The following KCNT2 variants were observed in gnomAD, a reference collection of about 807,000 sequenced individuals.
KCNT2 encodes the protein potassium channel subfamily T member 2.
A neutral mutation model predicts 153.8 loss-of-function variants in KCNT2; 67 were observed. The ratio of observed to expected loss-of-function variants is 0.44; its 90% CI spans 0.36 to 0.53. The LOEUF (loss-of-function observed/expected upper bound fraction) is 0.53. Among genes scored for constraint, KCNT2 ranks in the 20% least tolerant of loss-of-function variants. The pLI is 0.00. For synonymous variants in KCNT2, 500 were observed against 458.8 expected (o/e 1.09, Z -1.15); for missense variants, 975 against 1,354.8 (o/e 0.72, Z 4.40).
intron 5 of KCNT2, among the ~76,000 whole-genome samples, chr1:196,471,336 A>G (rs1278508182): frequency 3.3e-5 from 5 of 152,220 alleles, no homozygotes; most frequent in Non-Finnish European, 2.9e-5. Flanking sequence ...GAAGAAGTGT[A>G]GAAAGAGTGG....
At chr1:196,351,276 T>A (rs1572135835) in intron 14 of KCNT2, among the ~76,000 whole-genome samples, 1 of 152,180 alleles carries the variant, frequency 6.6e-6, no homozygotes, top group African/African-American at 2.4e-5. Flanking sequence ...TGGCATTGAA[T>A]CTATAAATTA....
chr1:196,271,561 G>C (rs970096214), intron 25 of KCNT2, among the ~76,000 whole-genome samples: 1 of 152,010 alleles, frequency 6.6e-6, no homozygotes, highest in Admixed American at 6.6e-5. Context: ...AATAATGAAA[G>C]TAAGAAATGC....
intron 1 of KCNT2, among the ~76,000 whole-genome samples, chr1:196,551,049 A>T (rs944141610): frequency 2.6e-5 from 4 of 151,788 alleles, no homozygotes; most frequent in African/African-American, 7.3e-5. Context: ...GCCTCTAGGG[A>T]AGTCAATGAA....
intron 25 of KCNT2, 46 bp downstream of exon 25, chr1:196,280,814 T>C: frequency 1.3e-6 from 2 of 1,535,432 alleles, no homozygotes; most frequent in Middle Eastern, 1.7e-4. Context: ...ATGATTGCAC[T>C]CATCAGATTA....
intron 22 of KCNT2, among the ~76,000 whole-genome samples, chr1:196,303,784 A>T (rs1209530231): frequency 6.6e-6 from 1 of 152,126 alleles, no homozygotes; most frequent in African/African-American, 2.4e-5. Context: ...AATTGGACCA[A>T]TCTGACTACA....
chr1:196,357,123 C>T (rs912710598), intron 14 of KCNT2, among the ~76,000 whole-genome samples: 8 of 151,772 alleles, frequency 5.3e-5, no homozygotes, highest in African/African-American at 1.9e-4. Context: ...TCTTGAACAT[C>T]GTTGAAGTTG....
At chr1:196,386,792 A>G (rs1380313601) in intron 13 of KCNT2, among the ~76,000 whole-genome samples, 1 of 152,114 alleles carries the variant, frequency 6.6e-6, no homozygotes, top group East Asian at 1.9e-4. Context: ...TTTAGTCCTT[A>G]TGATTGATTA....
At chr1:196,474,407 C>T (rs935604601) in intron 5 of KCNT2, among the ~76,000 whole-genome samples, 1 of 152,140 alleles carries the variant, frequency 6.6e-6, no homozygotes, top group Non-Finnish European at 1.5e-5. Flanking sequence ...TGTCGTAACG[C>T]TATGGCAGTC....
At chr1:196,274,533 ATAATCT>A (rs930268164) in intron 25 of KCNT2, among the ~76,000 whole-genome samples, 2 of 151,732 alleles carry the variant, frequency 1.3e-5, no homozygotes, top group African/African-American at 4.8e-5. Flanking sequence ...CCTTATTAAA[ATAATCT>A]TAATGAGATT....
chr1:196,372,326 C>T (rs1336490342), intron 14 of KCNT2, among the ~76,000 whole-genome samples: 1 of 151,898 alleles, frequency 6.6e-6, no homozygotes, highest in Non-Finnish European at 1.5e-5. Flanking sequence ...TTTGACACTT[C>T]ACCTAAACAA....
chr1:196,379,649 C>T (rs7527415), intron 13 of KCNT2, among the ~76,000 whole-genome samples: 78,103 of 150,522 alleles, frequency 0.52, 21,903 homozygotes, highest in African/African-American at 0.76. Context: ...GATATATGTA[C>T]ATGCATCTTA....
chr1:196,405,467 G>C (rs1375714898), intron 12 of KCNT2, among the ~76,000 whole-genome samples: 1 of 151,168 alleles, frequency 6.6e-6, no homozygotes, highest in Non-Finnish European at 1.5e-5. Flanking sequence ...CTATCTAAAA[G>C]GTATTTGTTG....
At chr1:196,316,740 C>CA (rs879365959) in intron 20 of KCNT2, among the ~76,000 whole-genome samples, 2,115 of 141,594 alleles carry the variant, frequency 0.015, 49 homozygotes, top group African/African-American at 0.05. Flanking sequence ...CTATCACTGA[C>CA]AAAAAAAAAA....
In KCNT2 at chr1:196,285,740, A is replaced by T; in HGVS notation, c.2614T>A (p.Ser872Thr). The T allele has an allele frequency of 6.2e-7, 1 of 1,611,394 alleles. No homozygotes were observed. The highest frequency in any genetic ancestry group is 1.3e-5 in the African/African-American group (1 of 74,998). ...KLEKKERERGSNLAFMFRLPF... is the reference protein window; with the variant it reads ...KLEKKERERGTNLAFMFRLPF... ...AGTCGAAACATAAAGGCCAAGTTAG[A>T]GCCTCTCTCCCGTTCTTTCTGTTCA... Residue 872 changes from serine to threonine, a missense_variant, in exon 23 of 28, where the codon TCT becomes ACT. Physicochemically the swap from Ser to Thr is moderately conservative, Grantham distance 58. Coordinates refer to ENST00000294725, the MANE Select transcript of KCNT2 (RefSeq NM_198503.5).
intron 13 of KCNT2, among the ~76,000 whole-genome samples, chr1:196,392,971 G>T (rs907702675): frequency 6.6e-6 from 1 of 151,288 alleles, no homozygotes; most frequent in African/African-American, 2.4e-5. Flanking sequence ...ATTCTTCTAG[G>T]CAGGTTTGAA....
chr1:196,480,855 CAAAAAAAAAAAAAA>C (rs372270510), intron 4 of KCNT2, among the ~76,000 whole-genome samples: 4 of 26,902 alleles, frequency 1.5e-4, no homozygotes, highest in East Asian at 3.6e-3. Context: ...GACTTCGTCT[CAAAAAAAAAAAAAA>C]AAAAAAAAAA....
chr1:196,501,687 C>T (rs1680710270), intron 1 of KCNT2, among the ~76,000 whole-genome samples: 2 of 152,182 alleles, frequency 1.3e-5, no homozygotes, highest in Admixed American at 1.3e-4. Flanking sequence ...GCTCAGATTT[C>T]ACTACAACAC....
Position 196,340,342 on chromosome 1 carries a change from C to T in KCNT2, c.1782G>A (p.Met594Ile), listed in dbSNP as rs1406191866. 1.1e-5 allele frequency: 17 copies of T among 1,540,074 alleles called. No individual in the cohort carries two copies. Among genetic ancestry groups the T allele is most frequent in the Non-Finnish European group, 1.5e-5 (17 of 1,133,236 alleles). Reference protein sequence around the residue: ...RLPVHSIIASMGTVAIDLQDT... With the variant: ...RLPVHSIIASIGTVAIDLQDT... ...TATTTCAAATTTGTTTATACTTACC[C>T]ATGCTGGCAATTATGCTATGTACAG... Residue 594 changes from methionine (M) to isoleucine (I), a missense_variant and splice_region_variant, in exon 16 of 28, where the codon ATG becomes ATA. Coordinates refer to ENST00000294725, the MANE Select transcript of KCNT2 (RefSeq NM_198503.5).
chr1:196,409,969 T>G (rs1345352676), intron 12 of KCNT2, among the ~76,000 whole-genome samples: 3 of 151,762 alleles, frequency 2.0e-5, no homozygotes, highest in Non-Finnish European at 4.4e-5. Flanking sequence ...TTTATCTTGA[T>G]TTTGATAATA....
Sources: allele counts gnomAD v4.1 joint callset (sites outside exome capture counted in the v4.1 genomes callset), GRCh38; gene constraint gnomAD v4.1.1; transcripts MANE v1.5; gene names NCBI Gene and HGNC (gene_info 2026-07-23, HGNC 2026-07-21).